The following DHX36 variants were observed in gnomAD, a reference collection of about 807,000 sequenced individuals.
DHX36 encodes DEAH-box helicase 36.
Under a neutral mutation model 139.0 loss-of-function variants are expected in DHX36, and 50 were observed. The observed-to-expected ratio is 0.36, with a 90% confidence interval of 0.29 to 0.46. The LOEUF is 0.46. Ranked by LOEUF, DHX36 falls within the 20% of genes least tolerant of loss-of-function variation. The pLI, the probability that DHX36 is intolerant of heterozygous loss-of-function variation, is 1.00. For synonymous variants in DHX36, 425 were observed against 401.9 expected (o/e 1.06, Z -0.69); for missense variants, 1,024 against 1,211.3 (o/e 0.85, Z 2.29).
chr3:154,315,243 A>C lies in DHX36; in HGVS notation c.406T>G (p.Ser136Ala). The C allele has an allele frequency of 6.2e-7, 1 of 1,613,188 alleles. No homozygotes were observed. The highest frequency in any genetic ancestry group is 1.1e-5 in the South Asian group (1 of 91,018). The change falls in exon 3 of 25, where the codon TCA becomes GCA. Residue 136 changes from serine (S) to alanine (A), a missense_variant. Physicochemically the swap from Ser to Ala is moderately conservative, Grantham distance 99. This residue lies in a region of DHX36 where 293 missense variants were observed against 274.4 expected (regional missense o/e 1.07). Transcript: ENST00000496811. ...TCCTGGATGTCAAGTTTGTTCTCTGAGCATGGTGTGTTCTTAGTAGAAACT... is the reference window on the plus strand; with the variant it reads ...TCCTGGATGTCAAGTTTGTTCTCTGCGCATGGTGTGTTCTTAGTAGAAACT... The part of the protein sequence containing the change: ...TEVSTKNTPC[S>A]ENKLDIQEKK...
intron 16 of DHX36, 121 bp downstream of exon 16, chr3:154,289,588 C>A (rs900800778): frequency 1.5e-6 from 1 of 670,664 alleles, no homozygotes; most frequent in Non-Finnish European, 2.6e-6. Flanking sequence ...CTAATGCACA[C>A]ATGAAATAAA....
chr3:154,274,555 CAGTTCCAACTATCAG>C lies in DHX36; in HGVS notation c.*1601_*1615del, dbSNP rs1719093332. 6.6e-6 allele frequency: 1 copy of C among 152,210 alleles called. No homozygotes were observed. The highest frequency in any genetic ancestry group is 2.4e-5 in the African/African-American group (1 of 41,438). 9.4% of individuals were successfully genotyped at this position (152,210 alleles called of 1,614,324 possible). The stretch of plus-strand genomic sequence containing the variant: ...CCTTGTGATCATTAGTTGGCTGCAG[CAGTTCCAACTATCAG>C]AGTCAGAAAAGACAATGTCCAGAGA... On this transcript the variant is annotated 3_prime_UTR_variant, in exon 25 of 25. Coordinates refer to ENST00000496811, the MANE Select transcript of DHX36 (RefSeq NM_020865.3).
intron 3 of DHX36, among the ~76,000 whole-genome samples, chr3:154,314,106 C>T (rs191545660): frequency 8.3e-4 from 127 of 152,264 alleles, no homozygotes; most frequent in African/African-American, 2.8e-3. Flanking sequence ...ACACTAATTC[C>T]TCCTGTTAAG....
intron 17 of DHX36, among the ~76,000 whole-genome samples, chr3:154,288,254 C>T (rs570371153): frequency 6.6e-6 from 1 of 151,902 alleles, no homozygotes; most frequent in African/African-American, 2.4e-5. Flanking sequence ...AGCTCTGCTC[C>T]CTCAAAGAAC....
intron 3 of DHX36, among the ~76,000 whole-genome samples, chr3:154,312,515 A>G (rs9868517): frequency 0.28 from 42,500 of 151,896 alleles, 6,703 homozygotes; most frequent in South Asian, 0.41. Context: ...TGGCATAAAA[A>G]TAAAGTCAGC....
At chr3:154,281,800 G>A (rs1019293223) in intron 20 of DHX36, among the ~76,000 whole-genome samples, 1 of 151,956 alleles carries the variant, frequency 6.6e-6, no homozygotes, top group Admixed American at 6.6e-5. Context: ...TACTGTTCAG[G>A]ATAATAATCT....
intron 4 of DHX36, among the ~76,000 whole-genome samples, chr3:154,311,396 A>G (rs1161279297): frequency 1.3e-5 from 2 of 152,098 alleles, no homozygotes; most frequent in African/African-American, 2.4e-5. Context: ...ATAGGAGGAA[A>G]TTTTACTTTT....
At chr3:154,305,035 C>T in intron 7 of DHX36, 59 bp downstream of exon 7, 3 of 1,593,216 alleles carry the variant, frequency 1.9e-6, no homozygotes, top group African/African-American at 1.4e-5. Context: ...TAGTAAAATC[C>T]AATTTAATAA....
At chr3:154,310,962 A>G (rs78311588) in intron 4 of DHX36, among the ~76,000 whole-genome samples, 8,785 of 149,756 alleles carry the variant, frequency 0.059, 384 homozygotes, top group Non-Finnish European at 0.089. Flanking sequence ...TAGCTGGTAA[A>G]TACTCAGAAG....
intron 12 of DHX36, among the ~76,000 whole-genome samples, chr3:154,296,849 G>A (rs1192941075): frequency 2.2e-4 from 34 of 152,216 alleles, no homozygotes; most frequent in Non-Finnish European, 1.5e-5. Flanking sequence ...GTAGTGAACA[G>A]CTGCCAAGCA....
At chr3:154,290,651 A>C (rs1444673881) in intron 15 of DHX36, among the ~76,000 whole-genome samples, 1 of 151,620 alleles carries the variant, frequency 6.6e-6, no homozygotes, top group Non-Finnish European at 1.5e-5. Context: ...AAAAAAAAAA[A>C]AACTAGATGT....
chr3:154,299,702 A>G, intron 12 of DHX36, 136 bp downstream of exon 12: 1 of 716,722 alleles, frequency 1.4e-6, no homozygotes, highest in Non-Finnish European at 2.5e-6. Context: ...TTCTCTTCAT[A>G]ATACTAAATA....
At chr3:154,283,324 CTACTGGTTTCCCTCTTTACTT>C (rs937201755) in intron 19 of DHX36, 53 bp from the exon 20 acceptor site, 220 of 1,221,050 alleles carry the variant, frequency 1.8e-4, no homozygotes, top group Non-Finnish European at 2.3e-4. Context: ...ACAAAGATTA[CTACTGGTTTCCCTCTTTACTT>C]TAGTAAAAGC....
At chr3:154,299,245 C>T (rs904005805) in intron 12 of DHX36, among the ~76,000 whole-genome samples, 2 of 152,138 alleles carry the variant, frequency 1.3e-5, no homozygotes, top group Admixed American at 6.5e-5. Flanking sequence ...TGCACTCCAA[C>T]CTGGCAACAG....
chr3:154,314,779 G>A (rs936936214), intron 3 of DHX36: 3 of 295,692 alleles, frequency 1.0e-5, no homozygotes, highest in Admixed American at 9.7e-5. Flanking sequence ...AAGCTGAAGA[G>A]TAAGTTTTTT....
intron 13 of DHX36, among the ~76,000 whole-genome samples, chr3:154,294,085 C>T (rs1711933371): frequency 6.6e-6 from 1 of 152,144 alleles, no homozygotes; most frequent in African/African-American, 2.4e-5. Flanking sequence ...TTTAAATTTA[C>T]AGCAGTTTTT....
In DHX36 at chr3:154,273,047, G is replaced by T. The variant is rs1719042649; in HGVS notation, c.*3124C>A. On this transcript the variant is annotated 3_prime_UTR_variant, in exon 25 of 25. Transcript: ENST00000496811. ...ATTATTCAGTAGTTTAATTTCTTTT[G>T]TTTTTTTCCTGAAAGTTTCTGTTTC... 1 of 150,836 alleles carries T rather than the reference G, an allele frequency of 6.6e-6. No individual in the cohort carries two copies. The highest frequency in any genetic ancestry group is 2.1e-4 in the South Asian group (1 of 4,740). 9.3% of individuals were successfully genotyped at this position (150,836 alleles called of 1,614,324 possible). A position where few individuals can be genotyped will look rare whatever the true frequency, so the allele number is the denominator to read the frequency against.
Position 154,304,990 on chromosome 3 carries a change from A to C in DHX36, c.969-18T>G, listed in dbSNP as rs1162803246. ...ACAAATACCTAAGGCAGAAGTGTGAAGTACAAAATTTTAAAACCATTTTTC... is the reference window on the plus strand; with the variant it reads ...ACAAATACCTAAGGCAGAAGTGTGACGTACAAAATTTTAAAACCATTTTTC... On this transcript the variant is annotated intron_variant, in intron 7 of 24. Coordinates refer to ENST00000496811, the MANE Select transcript of DHX36 (RefSeq NM_020865.3). 2 of 1,596,032 alleles carry C rather than the reference A, an allele frequency of 1.3e-6. No individual in the cohort carries two copies. The highest frequency in any genetic ancestry group is 2.2e-5 in the East Asian group (1 of 44,714).
chr3:154,310,832 T>TATGTATATAC (rs1712731777), intron 4 of DHX36, among the ~76,000 whole-genome samples: 3 of 53,190 alleles, frequency 5.6e-5, no homozygotes, highest in East Asian at 1.6e-3. Context: ...TATATATATA[T>TATGTATATAC]ATATATATAT....
Sources: allele counts gnomAD v4.1 joint callset (sites outside exome capture counted in the v4.1 genomes callset), GRCh38; gene constraint gnomAD v4.1.1; regional missense constraint gnomAD v4.1.1; transcripts MANE v1.5; gene names NCBI Gene and HGNC (gene_info 2026-07-23, HGNC 2026-07-21).